Variants in PIP5K1B observed in about 807,000 individuals in gnomAD.
PIP5K1B encodes the protein phosphatidylinositol-4-phosphate 5-kinase type 1 beta.
PIP5K1B carries 42 observed loss-of-function variants against 67.0 expected under a neutral mutation model. That is an observed-to-expected ratio of 0.63 (90% CI 0.49 to 0.81). The LOEUF is 0.81. Ranked by LOEUF, PIP5K1B falls within the 30% of genes least tolerant of loss-of-function variation. The pLI is 0.00. For synonymous variants in PIP5K1B, 214 were observed against 231.4 expected (o/e 0.92, Z 0.68); for missense variants, 459 against 646.3 (o/e 0.71, Z 3.14).
At chr9:68,970,682 T>C (rs1829313804) in intron 14 of PIP5K1B, among the ~76,000 whole-genome samples, 1 of 152,202 alleles carries the variant, frequency 6.6e-6, no homozygotes, top group Admixed American at 6.5e-5. Context: ...TCATGTTCAT[T>C]TAAATTGTGT....
chr9:68,833,792 T>C (rs1834449744), intron 4 of PIP5K1B, among the ~76,000 whole-genome samples: 1 of 152,138 alleles, frequency 6.6e-6, no homozygotes, highest in Admixed American at 6.5e-5. Context: ...GGATTCTAAT[T>C]TGAGCACCTG....
chr9:68,850,678 C>G (rs1822436277), intron 4 of PIP5K1B, among the ~76,000 whole-genome samples: 3 of 152,214 alleles, frequency 2.0e-5, no homozygotes, highest in Admixed American at 6.5e-5. Context: ...AGTCCTCTAC[C>G]AGGAAATCAA....
chr9:68,707,036 C>T (rs560707905), intron 1 of PIP5K1B, among the ~76,000 whole-genome samples: 6 of 152,042 alleles, frequency 3.9e-5, no homozygotes, highest in Non-Finnish European at 8.8e-5. Context: ...TGAAAGGAGA[C>T]GCTGGGAAAA....
chr9:68,982,633 G>C (rs151242275), intron 14 of PIP5K1B, among the ~76,000 whole-genome samples: 2 of 151,882 alleles, frequency 1.3e-5, no homozygotes, highest in Non-Finnish European at 2.9e-5. Flanking sequence ...ATGGTGGTGC[G>C]CACCTGTAGT....
At chr9:68,769,249 A>G (rs868565860) in intron 2 of PIP5K1B, among the ~76,000 whole-genome samples, 2 of 152,190 alleles carry the variant, frequency 1.3e-5, no homozygotes, top group Non-Finnish European at 2.9e-5. Flanking sequence ...GCCCAGGGAA[A>G]TCTTTCTGTT....
chr9:68,948,465 TACA>T (rs1187590418), intron 14 of PIP5K1B, among the ~76,000 whole-genome samples: 6 of 151,974 alleles, frequency 3.9e-5, no homozygotes, highest in Non-Finnish European at 8.8e-5. Context: ...ACCTCATTTC[TACA>T]ACAACAACAG....
intron 13 of PIP5K1B, 104 bp from the exon 14 acceptor site, chr9:68,940,542 C>A: frequency 9.3e-7 from 1 of 1,078,996 alleles, no homozygotes; most frequent in Non-Finnish European, 1.3e-6. Context: ...AATTTGCAGC[C>A]TGATAGGTAA....
intron 7 of PIP5K1B, among the ~76,000 whole-genome samples, chr9:68,892,713 G>A (rs1276364915): frequency 6.6e-6 from 1 of 152,042 alleles, no homozygotes. Flanking sequence ...TAAACAAAAA[G>A]CAAAAAGCAA....
At chr9:68,776,730 T>C in intron 2 of PIP5K1B, among the ~76,000 whole-genome samples, 1 of 152,228 alleles carries the variant, frequency 6.6e-6, no homozygotes, top group African/African-American at 2.4e-5. Flanking sequence ...GTTTTGTGGC[T>C]TCACAGTGAG....
At chr9:68,869,607 T>C (rs1394737033) in intron 5 of PIP5K1B, among the ~76,000 whole-genome samples, 1 of 152,234 alleles carries the variant, frequency 6.6e-6, no homozygotes, top group Non-Finnish European at 1.5e-5. Context: ...CTATCTACAA[T>C]GGCTGCAGAG....
At chr9:68,963,566 C>T (rs1244035542) in intron 14 of PIP5K1B, among the ~76,000 whole-genome samples, 1 of 151,918 alleles carries the variant, frequency 6.6e-6, no homozygotes, top group Non-Finnish European at 1.5e-5. Flanking sequence ...CATGCAGTTG[C>T]ATAGGTCACA....
intron 4 of PIP5K1B, 64 bp from the exon 5 acceptor site, chr9:68,863,773 C>T: frequency 6.9e-7 from 1 of 1,447,418 alleles, no homozygotes; most frequent in Non-Finnish European, 9.5e-7. Context: ...TGTTTTGTTG[C>T]CTGTACCATT....
intron 1 of PIP5K1B, among the ~76,000 whole-genome samples, chr9:68,726,580 T>C (rs1038946262): frequency 2.8e-4 from 43 of 152,214 alleles, no homozygotes; most frequent in African/African-American, 1.0e-3. Context: ...TTGGTTATGA[T>C]TGCAGGCTAC....
At chr9:68,711,866 G>C (rs1827410670) in intron 1 of PIP5K1B, among the ~76,000 whole-genome samples, 2 of 152,146 alleles carry the variant, frequency 1.3e-5, no homozygotes, top group South Asian at 4.1e-4. Context: ...TTGGTTCAGG[G>C]TACAGAGACA....
intron 2 of PIP5K1B, chr9:68,786,254 T>G (rs1831608479): frequency 6.6e-6 from 1 of 152,176 alleles, no homozygotes; most frequent in African/African-American, 2.4e-5. Context: ...ATAATAATAA[T>G]GATGTGTTAA....
chr9:68,887,544 AGT>A (rs1370011815), intron 6 of PIP5K1B, among the ~76,000 whole-genome samples: 6 of 152,342 alleles, frequency 3.9e-5, no homozygotes, highest in African/African-American at 1.4e-4. Context: ...CTCACAAATA[AGT>A]GAGAACATGC....
chr9:68,869,152 G>A (rs540594061), intron 5 of PIP5K1B, among the ~76,000 whole-genome samples: 1 of 152,214 alleles, frequency 6.6e-6, no homozygotes, highest in African/African-American at 2.4e-5. Context: ...CAATCCCTGG[G>A]CTGTGGACAA....
At chr9:68,864,097 CCAAAGG>C (rs1823245100) in intron 5 of PIP5K1B, 130 bp downstream of exon 5, 5 of 743,584 alleles carry the variant, frequency 6.7e-6, no homozygotes, top group Non-Finnish European at 1.1e-5. Flanking sequence ...TTTGGCAGGG[CCAAAGG>C]CAGTCCAAAT....
chr9:68,802,012 C>G (rs2131985373), intron 2 of PIP5K1B, among the ~76,000 whole-genome samples: 1 of 152,286 alleles, frequency 6.6e-6, no homozygotes, highest in South Asian at 2.1e-4. Context: ...TTGATGGCTC[C>G]TTTTATTTTC....
Sources: allele counts gnomAD v4.1 joint callset (sites outside exome capture counted in the v4.1 genomes callset), GRCh38; gene constraint gnomAD v4.1.1; transcripts MANE v1.5; gene names NCBI Gene and HGNC (gene_info 2026-07-23, HGNC 2026-07-21).